Variants in DPP6 observed in about 807,000 individuals in gnomAD.
The protein encoded by DPP6 is A-type potassium channel modulatory protein DPP6.
A neutral mutation model predicts 122.6 loss-of-function variants in DPP6; 69 were observed. The ratio of observed to expected loss-of-function variants is 0.56; its 90% CI spans 0.46 to 0.69. The LOEUF (loss-of-function observed/expected upper bound fraction) is 0.69. Among genes scored for constraint, DPP6 ranks in the 30% least tolerant of loss-of-function variants. DPP6 has a pLI of 0.00. For synonymous variants in DPP6, 418 were observed against 433.1 expected, an observed-to-expected ratio of 0.97 and a Z score of 0.43; for missense variants, 928 against 1,116.9, an observed-to-expected ratio of 0.83 and a Z score of 2.41.
At chr7:154,658,048 G>A (rs1210873944) in intron 6 of DPP6, among the ~76,000 whole-genome samples, 3 of 152,146 alleles carry the variant, frequency 2.0e-5, no homozygotes, top group Non-Finnish European at 4.4e-5. Context: ...AGGATGAATC[G>A]GCCGAGCACA....
the DPP6 span, among the ~76,000 whole-genome samples, chr7:153,815,199 T>C: frequency 3.9e-5 from 6 of 152,118 alleles, no homozygotes; most frequent in Non-Finnish European, 7.3e-5. Flanking sequence ...TGATCGTATA[T>C]CTAGAAAACC....
intron 2 of DPP6, among the ~76,000 whole-genome samples, chr7:154,451,391 A>C (rs1247581598): frequency 6.7e-6 from 1 of 149,764 alleles, no homozygotes; most frequent in Non-Finnish European, 1.5e-5. Context: ...GTGGAATTAA[A>C]TGGCTGCCCG....
At chr7:154,112,007 A>G (rs944240522) in intron 1 of DPP6, among the ~76,000 whole-genome samples, 7 of 152,102 alleles carry the variant, frequency 4.6e-5, no homozygotes, top group African/African-American at 1.7e-4. Flanking sequence ...CAGAAGCCAT[A>G]TTTTCCAATT....
the DPP6 span, among the ~76,000 whole-genome samples, chr7:153,859,228 G>C: frequency 6.6e-6 from 1 of 152,080 alleles, no homozygotes; most frequent in Non-Finnish European, 1.5e-5. Flanking sequence ...AAGATGGAGA[G>C]GGCTGCATTG....
chr7:154,774,180 G>A (rs1796427305), intron 10 of DPP6, among the ~76,000 whole-genome samples: 1 of 152,180 alleles, frequency 6.6e-6, no homozygotes. Flanking sequence ...GCCCCCAGCA[G>A]CTGGTCCCAG....
intron 5 of DPP6, among the ~76,000 whole-genome samples, chr7:154,575,181 T>A (rs1217391244): frequency 1.1e-5 from 1 of 90,836 alleles, no homozygotes; most frequent in African/African-American, 4.5e-5. Flanking sequence ...TGGGGGGGTA[T>A]ATGTGTGTGG....
At chr7:154,745,073 AG>A in intron 8 of DPP6, among the ~76,000 whole-genome samples, 1 of 152,222 alleles carries the variant, frequency 6.6e-6, no homozygotes, top group East Asian at 1.9e-4. Flanking sequence ...AGACTGCATG[AG>A]GTTTAACATG....
chr7:154,024,210 C>G lies in DPP6; in HGVS notation c.51+136476C>G, dbSNP rs114069907. Among the ~76,000 whole-genome samples the G allele has an allele frequency of 4.4e-3, 668 of 152,302 alleles. 3 individuals carry two copies. Among genetic ancestry groups the G allele is most frequent in the African/African-American group, 0.015 (627 of 41,560 alleles). On this transcript the variant is annotated intron_variant, in intron 1 of 25. Transcript: ENST00000404039. ...TAAACCTGGCAAATAGTTCAGCTATCGATCCACAAATAGTATCAATCCACA... is the reference window on the plus strand; with the variant it reads ...TAAACCTGGCAAATAGTTCAGCTATGGATCCACAAATAGTATCAATCCACA...
chr7:154,792,840 A>G (rs1332340493), intron 10 of DPP6, among the ~76,000 whole-genome samples: 1 of 152,162 alleles, frequency 6.6e-6, no homozygotes, highest in African/African-American at 2.4e-5. Context: ...ACTCCCCATG[A>G]CCACAGTGGG....
the DPP6 span, among the ~76,000 whole-genome samples, chr7:153,843,731 T>C: frequency 2.0e-5 from 3 of 152,148 alleles, no homozygotes; most frequent in African/African-American, 7.2e-5. Context: ...GTGTGTGCAT[T>C]AGCAATTTCT....
chr7:154,467,459 C>A (rs1176623125), intron 2 of DPP6, among the ~76,000 whole-genome samples: 1 of 152,156 alleles, frequency 6.6e-6, no homozygotes, highest in Non-Finnish European at 1.5e-5. Flanking sequence ...GTGCGTAGCA[C>A]CTCCCTCTTT....
chr7:154,123,836 C>T (rs1231451655), intron 1 of DPP6, among the ~76,000 whole-genome samples: 8 of 139,318 alleles, frequency 5.7e-5, no homozygotes, highest in East Asian at 2.1e-4. Flanking sequence ...TTGTGCTGCC[C>T]GCTCGTGGGG....
At chr7:154,868,776 C>T (rs756584961) in intron 18 of DPP6, among the ~76,000 whole-genome samples, 1 of 152,226 alleles carries the variant, frequency 6.6e-6, no homozygotes, top group Non-Finnish European at 1.5e-5. Flanking sequence ...GGCCCCGTGT[C>T]CTCACTGCCC....
rs1834993908 is a variant in DPP6 at position 154,625,292 on chromosome 7, G to GC, written c.628-12528dup. ...CAAGAATAAACTAAGCAGCTATGTG[G>GC]CATCATGCAGATACACACACAGACA... On this transcript the variant is annotated intron_variant, in intron 5 of 25. Transcript: ENST00000377770. Among the ~76,000 whole-genome samples, 16 of 152,134 alleles carry GC rather than the reference G, an allele frequency of 1.1e-4. 1 individual carries two copies. In the South Asian group the frequency reaches 3.3e-3, roughly 32 times the overall value.
chr7:154,685,738 C>A (rs1183023623), intron 7 of DPP6, among the ~76,000 whole-genome samples: 1 of 152,194 alleles, frequency 6.6e-6, no homozygotes, highest in Non-Finnish European at 1.5e-5. Flanking sequence ...CTTAGATCAA[C>A]ATGCATGGCT....
the DPP6 span, among the ~76,000 whole-genome samples, chr7:153,795,127 A>G: frequency 6.6e-6 from 1 of 152,208 alleles, no homozygotes; most frequent in South Asian, 2.1e-4. Flanking sequence ...TTTAATATTT[A>G]TAGAATCTGG....
chr7:153,885,471 G>A (rs1798875448), upstream of DPP6, among the ~76,000 whole-genome samples: 1 of 134,548 alleles, frequency 7.4e-6, no homozygotes, highest in Admixed American at 7.7e-5. Context: ...CCAGAGAGGT[G>A]CCTTTCCTCA....
intron 1 of DPP6, among the ~76,000 whole-genome samples, chr7:154,177,254 GT>G (rs1797852348): frequency 6.6e-6 from 1 of 152,154 alleles, no homozygotes; most frequent in Non-Finnish European, 1.5e-5. Context: ...TCAATACAAG[GT>G]TTTTGGTTGA....
intron 2 of DPP6, among the ~76,000 whole-genome samples, chr7:154,472,532 G>A (rs187659325): frequency 9.9e-5 from 15 of 152,196 alleles, no homozygotes; most frequent in East Asian, 5.8e-4. Flanking sequence ...TCTCAGCCCC[G>A]TCCCTGCTAT....
Sources: allele counts gnomAD v4.1 joint callset (sites outside exome capture counted in the v4.1 genomes callset), GRCh38; gene constraint gnomAD v4.1.1; transcripts MANE v1.5; gene names NCBI Gene and HGNC (gene_info 2026-07-23, HGNC 2026-07-21).